ANO3: variants seen among roughly 807,000 people sequenced by gnomAD.
ANO3 encodes the protein anoctamin 3.
In ANO3, 99 loss-of-function variants were observed where a neutral mutation model predicts 144.8. The ratio of observed to expected loss-of-function variants is 0.68; its 90% CI spans 0.58 to 0.81. The LOEUF is 0.81. Among genes scored for constraint, ANO3 ranks in the 30% least tolerant of loss-of-function variants. ANO3 has a pLI of 0.00. For synonymous variants in ANO3, 414 were observed against 392.6 expected, an observed-to-expected ratio of 1.05 and a Z score of -0.64; for missense variants, 905 against 1,202.2, an observed-to-expected ratio of 0.75 and a Z score of 3.66.
intron 4 of ANO3, among the ~76,000 whole-genome samples, chr11:26,467,105 A>G (rs975317555): frequency 5.9e-5 from 9 of 152,006 alleles, no homozygotes; most frequent in South Asian, 2.1e-4. Flanking sequence ...CTATTAATCA[A>G]AATGTGTTTA....
At chr11:26,395,919 C>G (rs938300894) in intron 1 of ANO3, among the ~76,000 whole-genome samples, 2 of 152,064 alleles carry the variant, frequency 1.3e-5, no homozygotes, top group Admixed American at 1.3e-4. Context: ...AAAGCAAGGG[C>G]AACAAAAGCC....
rs1168180646 is a variant in ANO3 at position 26,230,797 on chromosome 11, CAAAAAAAAAAAAAAAAAAAAAAAAAAA to C, written c.154+41482_154+41508del. The stretch of plus-strand genomic sequence containing the variant: ...GGGTGACAGAGCATGACTCCATCTC[CAAAAAAAAAAAAAAAAAAAAAAAAAAA>C]AAAAAAAAAAAAAAGTTTATCTTTT... On this transcript the variant is annotated intron_variant, in intron 1 of 27. Transcript: ENST00000672621. Among the ~76,000 whole-genome samples the C allele has an allele frequency of 3.5e-4, 4 of 11,328 alleles. 1 individual carries two copies. Among genetic ancestry groups the C allele is most frequent in the East Asian group, 2.3e-3 (1 of 430 alleles). 7.4% of individuals were successfully genotyped at this position (11,328 alleles called of 152,430 possible).
At chr11:26,194,521 A>G (rs1365359294) in intron 1 of ANO3, among the ~76,000 whole-genome samples, 1 of 139,364 alleles carries the variant, frequency 7.2e-6, no homozygotes, top group African/African-American at 2.7e-5. Context: ...ATTATTTGAG[A>G]TGGAGTTTTG....
intron 1 of ANO3, among the ~76,000 whole-genome samples, chr11:26,295,169 C>G (rs1854057773): frequency 1.3e-5 from 2 of 152,084 alleles, no homozygotes; most frequent in Admixed American, 1.3e-4. Flanking sequence ...CCGCCTCGGC[C>G]TCCTAGAGGG....
At chr11:26,362,657 A>G (rs930254371) in intron 1 of ANO3, among the ~76,000 whole-genome samples, 1 of 152,186 alleles carries the variant, frequency 6.6e-6, no homozygotes, top group Admixed American at 6.5e-5. Context: ...TCTAAACTGG[A>G]GGAAGGAAAG....
chr11:26,365,801 G>T (rs1176337709), intron 1 of ANO3, among the ~76,000 whole-genome samples: 2 of 151,996 alleles, frequency 1.3e-5, no homozygotes, highest in Non-Finnish European at 2.9e-5. Context: ...CCTGTGAGGT[G>T]AGAGGTTGCT....
At chr11:26,398,375 A>T (rs532182540) in intron 1 of ANO3, among the ~76,000 whole-genome samples, 1 of 152,224 alleles carries the variant, frequency 6.6e-6, no homozygotes, top group Admixed American at 6.5e-5. Context: ...TACCTTTGGA[A>T]ATGAATGGAG....
At chr11:26,455,453 G>A (rs2134045431) in intron 3 of ANO3, among the ~76,000 whole-genome samples, 1 of 152,128 alleles carries the variant, frequency 6.6e-6, no homozygotes, top group African/African-American at 2.4e-5. Flanking sequence ...GCCAAATCAT[G>A]AGTGAACTCC....
At chr11:26,235,735 G>T in intron 1 of ANO3, among the ~76,000 whole-genome samples, 1 of 151,464 alleles carries the variant, frequency 6.6e-6, no homozygotes, top group African/African-American at 2.4e-5. Context: ...ATATACAGTA[G>T]GCTCTATTGT....
intron 1 of ANO3, among the ~76,000 whole-genome samples, chr11:26,339,194 G>A (rs1855284243): frequency 6.7e-6 from 1 of 149,496 alleles, no homozygotes; most frequent in Admixed American, 6.7e-5. Flanking sequence ...GGCTCTTGTT[G>A]CCCAGGCTGG....
At chr11:26,302,279 G>A (rs1189992926) in intron 1 of ANO3, among the ~76,000 whole-genome samples, 7 of 152,130 alleles carry the variant, frequency 4.6e-5, no homozygotes, top group Admixed American at 2.0e-4. Context: ...GGTGGATCAC[G>A]AGGTCAAGAG....
At chr11:26,213,777 C>T (rs181891159) in intron 1 of ANO3, among the ~76,000 whole-genome samples, 76 of 152,078 alleles carry the variant, frequency 5.0e-4, no homozygotes, top group African/African-American at 1.8e-3. Flanking sequence ...GAAAATACTA[C>T]TTTAAGTTTT....
At chr11:26,507,595 C>T (rs920331878) in intron 4 of ANO3, among the ~76,000 whole-genome samples, 1 of 152,046 alleles carries the variant, frequency 6.6e-6, no homozygotes. Flanking sequence ...CTATGTAACA[C>T]AAGAAATAAA....
intron 7 of ANO3, among the ~76,000 whole-genome samples, chr11:26,526,859 G>T (rs1275998642): frequency 6.6e-6 from 1 of 151,934 alleles, no homozygotes; most frequent in African/African-American, 2.4e-5. Context: ...ATTTGGTCCT[G>T]GTCTATGTAG....
intron 1 of ANO3, among the ~76,000 whole-genome samples, chr11:26,424,169 T>A (rs1348393690): frequency 6.6e-6 from 1 of 151,808 alleles, no homozygotes; most frequent in Non-Finnish European, 1.5e-5. Flanking sequence ...CAAATAGATT[T>A]TTTTTACTCT....
intron 1 of ANO3, among the ~76,000 whole-genome samples, chr11:26,217,866 T>G (rs1252281776): frequency 6.6e-5 from 10 of 152,040 alleles, no homozygotes; most frequent in Non-Finnish European, 1.3e-4. Context: ...TACATTCCTT[T>G]GTGAATTATT....
chr11:26,199,370 C>T (rs1020486558), intron 1 of ANO3, among the ~76,000 whole-genome samples: 2 of 152,100 alleles, frequency 1.3e-5, no homozygotes, highest in South Asian at 2.1e-4. Context: ...GGAGGAGGAG[C>T]TGCTTAATCT....
intron 1 of ANO3, among the ~76,000 whole-genome samples, chr11:26,317,328 T>C (rs2133875892): frequency 1.3e-5 from 2 of 152,028 alleles, no homozygotes; most frequent in African/African-American, 4.8e-5. Flanking sequence ...GCAGGCAACC[T>C]ACAGAATGGG....
At chr11:26,202,721 G>C (rs1851722178) in intron 1 of ANO3, among the ~76,000 whole-genome samples, 1 of 150,948 alleles carries the variant, frequency 6.6e-6, no homozygotes, top group Non-Finnish European at 1.5e-5. Flanking sequence ...GCAACACACA[G>C]TTGAGGAAAA....
Sources: allele counts gnomAD v4.1 joint callset (sites outside exome capture counted in the v4.1 genomes callset), GRCh38; gene constraint gnomAD v4.1.1; transcripts MANE v1.5; gene names NCBI Gene and HGNC (gene_info 2026-07-23, HGNC 2026-07-21).